COMMD1: variants seen among roughly 807,000 people sequenced by gnomAD.
The protein encoded by COMMD1 is COMM domain-containing protein 1.
Under a neutral mutation model 17.2 loss-of-function variants are expected in COMMD1, and 10 were observed. The observed-to-expected ratio is 0.58, with a 90% CI of 0.36 to 0.99. The LOEUF (loss-of-function observed/expected upper bound fraction) is 0.99, where lower values mean the gene tolerates loss of function less well. COMMD1 is among the 50% of genes least tolerant of loss of function. COMMD1 has a pLI of 0.01. For missense variants in COMMD1, 270 were observed against 231.8 expected, an observed-to-expected ratio of 1.17 and a Z score of -1.07; for synonymous variants, 97 against 91.6, an observed-to-expected ratio of 1.06 and a Z score of -0.34.
At chr2:61,902,464 C>T (rs918469226), upstream of COMMD1, among the ~76,000 whole-genome samples, 4 of 149,672 alleles carry the variant, frequency 2.7e-5, no homozygotes, top group Non-Finnish European at 5.9e-5. Flanking sequence ...CGAGATCATG[C>T]CATTGCACTC....
chr2:61,959,157 T>C (rs940647352), intron 1 of COMMD1, among the ~76,000 whole-genome samples: 1 of 152,232 alleles, frequency 6.6e-6, no homozygotes, highest in Admixed American at 6.5e-5. Flanking sequence ...GGTTTCACCA[T>C]GTGCTTATTA....
At chr2:61,915,656 AT>A (rs1010874191) in intron 1 of COMMD1, 17 of 451,816 alleles carry the variant, frequency 3.8e-5, no homozygotes, top group Non-Finnish European at 6.7e-5. Flanking sequence ...TGCCTGCCTA[AT>A]TTTTTTATTT....
At chr2:61,942,646 T>C (rs985935446) in intron 1 of COMMD1, among the ~76,000 whole-genome samples, 1 of 151,594 alleles carries the variant, frequency 6.6e-6, no homozygotes, top group Non-Finnish European at 1.5e-5. Context: ...TTCAAGTGAT[T>C]CTCATACCTC....
chr2:61,899,068 A>G (rs1572941355), intron 1 of COMMD1, among the ~76,000 whole-genome samples: 1 of 152,220 alleles, frequency 6.6e-6, no homozygotes, highest in South Asian at 2.1e-4. Flanking sequence ...AGGCTCAGGC[A>G]GGCAGTAATA....
chr2:61,968,959 T>C, intron 1 of COMMD1: 1 of 316,558 alleles, frequency 3.2e-6, no homozygotes, highest in Non-Finnish European at 6.4e-6. Flanking sequence ...TTTTTTTTTT[T>C]TTTTTAAAGA....
intron 2 of COMMD1, among the ~76,000 whole-genome samples, chr2:62,081,507 C>T (rs917039552): frequency 1.4e-4 from 22 of 152,152 alleles, no homozygotes; most frequent in Non-Finnish European, 2.4e-4. Flanking sequence ...GCCTCAGCCT[C>T]CCAAAGTGCT....
chr2:62,099,456 T>A (rs529997951), intron 2 of COMMD1, among the ~76,000 whole-genome samples: 2 of 152,146 alleles, frequency 1.3e-5, no homozygotes, highest in Non-Finnish European at 2.9e-5. Flanking sequence ...CCTATTTACA[T>A]AAATACTCGC....
intron 2 of COMMD1, among the ~76,000 whole-genome samples, chr2:62,085,972 T>C (rs538550488): frequency 2.4e-3 from 359 of 151,110 alleles, no homozygotes; most frequent in African/African-American, 8.6e-3. Flanking sequence ...AGCAAGACTC[T>C]GTCTCAAAAC....
chr2:61,897,393 TGTTAA>T (rs1442453270), intron 1 of COMMD1, among the ~76,000 whole-genome samples: 3 of 152,166 alleles, frequency 2.0e-5, no homozygotes, highest in Non-Finnish European at 4.4e-5. Flanking sequence ...GCTTTTCTCT[TGTTAA>T]GTTGTGTTTT....
At chr2:62,084,572 T>A (rs1203090226) in intron 2 of COMMD1, among the ~76,000 whole-genome samples, 1 of 152,192 alleles carries the variant, frequency 6.6e-6, no homozygotes, top group East Asian at 1.9e-4. Context: ...CAGTTCACAC[T>A]CATATTGTTC....
chr2:61,932,182 T>C (rs945612482), intron 1 of COMMD1, among the ~76,000 whole-genome samples: 8 of 152,348 alleles, frequency 5.3e-5, no homozygotes, highest in African/African-American at 1.9e-4. Context: ...TCTGCTTACA[T>C]TCTTAATTAT....
intron 1 of COMMD1, among the ~76,000 whole-genome samples, chr2:61,934,511 C>T (rs1367152238): frequency 1.3e-5 from 2 of 152,012 alleles, no homozygotes; most frequent in African/African-American, 2.4e-5. Context: ...TCACCTGATC[C>T]CAAGAGTTTG....
chr2:62,084,824 A>G (rs1671615520), intron 2 of COMMD1: 1 of 152,208 alleles, frequency 6.6e-6, no homozygotes, highest in South Asian at 2.1e-4. Context: ...TTACATTTAA[A>G]GGGTTGTTTT....
At chr2:62,095,197 G>A (rs1251848784) in intron 2 of COMMD1, among the ~76,000 whole-genome samples, 1 of 152,122 alleles carries the variant, frequency 6.6e-6, no homozygotes, top group African/African-American at 2.4e-5. Context: ...TGTCTTTCAG[G>A]CATTTGATTT....
At chr2:61,933,186 C>T (rs1670513836) in intron 1 of COMMD1, among the ~76,000 whole-genome samples, 1 of 151,818 alleles carries the variant, frequency 6.6e-6, no homozygotes, top group South Asian at 2.1e-4. Context: ...TCCATCGTCT[C>T]TGATGCTCAG....
intron 2 of COMMD1, among the ~76,000 whole-genome samples, chr2:62,134,609 A>G (rs1473965425): frequency 6.6e-6 from 1 of 151,956 alleles, no homozygotes; most frequent in Non-Finnish European, 1.5e-5. Context: ...CTACAAAAAA[A>G]AAAAAAAATT....
intron 2 of COMMD1, among the ~76,000 whole-genome samples, chr2:62,078,276 G>A (rs1262611294): frequency 3.4e-5 from 5 of 145,588 alleles, no homozygotes; most frequent in African/African-American, 7.6e-5. Context: ...AGGTGGAGCC[G>A]GGCACGGTAG....
intron 2 of COMMD1, chr2:62,069,697 C>G (rs979298160): frequency 2.6e-5 from 4 of 152,144 alleles, no homozygotes; most frequent in African/African-American, 9.7e-5. Context: ...AGGGAGACTA[C>G]ATGTTAGTTT....
At chr2:61,889,696 C>T (rs556684182) in intron 1 of COMMD1, among the ~76,000 whole-genome samples, 4 of 152,220 alleles carry the variant, frequency 2.6e-5, no homozygotes, top group Non-Finnish European at 5.9e-5. Flanking sequence ...GGTTAGTTAT[C>T]TCGTATTGGT....
Sources: allele counts gnomAD v4.1 joint callset (sites outside exome capture counted in the v4.1 genomes callset), GRCh38; gene constraint gnomAD v4.1.1; transcripts MANE v1.5; gene names NCBI Gene and HGNC (gene_info 2026-07-23, HGNC 2026-07-21).